Variants in FRY observed in about 807,000 individuals in gnomAD.
FRY encodes the protein protein furry homolog.
In FRY, 128 loss-of-function variants were observed where a neutral mutation model predicts 348.4. The ratio of observed to expected loss-of-function variants is 0.37; its 90% confidence interval spans 0.32 to 0.43. FRY has a LOEUF of 0.43. FRY is among the 20% of genes least tolerant of loss of function. The pLI, the probability that FRY is intolerant of heterozygous loss-of-function variation, is 1.00. For missense variants in FRY, 2,736 were observed against 3,695.2 expected (o/e 0.74, Z 6.73); for synonymous variants, 1,370 against 1,374.7 (o/e 1.00, Z 0.08).
chr13:32,255,380 C>T (rs753666316), intron 51 of FRY, among the ~76,000 whole-genome samples: 9 of 152,188 alleles, frequency 5.9e-5, no homozygotes, highest in Non-Finnish European at 1.3e-4. Flanking sequence ...CTTCAAGTAG[C>T]TGCTTACCTT....
rs746789964 is a variant in FRY, at chr13:32,184,638, A to G, written c.3093A>G (p.Leu1031=). ...GAGAACGGCGAGACTTGTTAAGGCT[A>G]CAACTACTTCGAATTTTTGAACTTT... ...KRRERRDLLR[L]QLLRIFELLA... is the part of the protein sequence containing the mutation. The change falls in exon 25 of 61, where the codon CTA becomes CTG. Residue 1031 remains leucine, a synonymous_variant. Coordinates refer to ENST00000542859, the MANE Select transcript of FRY (RefSeq NM_023037.3). The G allele has an allele frequency of 1.2e-6, 2 of 1,613,654 alleles. No homozygotes were observed. Among genetic ancestry groups the G allele is most frequent in the East Asian group, 2.2e-5 (1 of 44,890 alleles).
intron 1 of FRY, among the ~76,000 whole-genome samples, chr13:32,053,394 C>A (rs879921577): frequency 2.6e-5 from 4 of 152,160 alleles, no homozygotes; most frequent in Non-Finnish European, 5.9e-5. Context: ...TATGACATAT[C>A]CTTTGAATGA....
intron 55 of FRY, among the ~76,000 whole-genome samples, 160 bp from the exon 56 acceptor site, chr13:32,274,682 C>A (rs1265331028): frequency 2.6e-4 from 28 of 107,848 alleles, no homozygotes; most frequent in East Asian, 6.2e-4. Flanking sequence ...CCAGCCTGGG[C>A]GACAGAGCGA....
intron 35 of FRY, among the ~76,000 whole-genome samples, chr13:32,217,578 G>T (rs1167472287): frequency 6.6e-6 from 1 of 152,176 alleles, no homozygotes; most frequent in African/African-American, 2.4e-5. Context: ...GTTCCCCAGG[G>T]AGGTAGAGGC....
chr13:32,229,045 T>C (rs1885769197), intron 40 of FRY, among the ~76,000 whole-genome samples: 3 of 152,184 alleles, frequency 2.0e-5, no homozygotes, highest in African/African-American at 7.2e-5. Context: ...ATCAAGGATA[T>C]TAGCCATGAT....
intron 11 of FRY, among the ~76,000 whole-genome samples, chr13:32,144,592 C>G (rs574703394): frequency 6.6e-6 from 1 of 151,788 alleles, no homozygotes; most frequent in Non-Finnish European, 1.5e-5. Flanking sequence ...TAAACAATTA[C>G]GAATTCTATA....
In FRY at chr13:32,151,765, A is replaced by G. The variant is rs576988383; in HGVS notation, c.1479+1931A>G. On this transcript the variant is annotated intron_variant, in intron 14 of 60. Transcript: ENST00000542859. The stretch of plus-strand genomic sequence containing the variant: ...TCATCAATTTCTCTGTTTTTCCTTG[A>G]CCTAAAATAACCTGAAGTCGGAGGT... 5.1e-4 allele frequency among the ~76,000 whole-genome samples: 78 copies of G among 152,278 alleles called. No homozygotes were observed. The South Asian group carries it at 0.012, about 23-fold the overall frequency.
intron 47 of FRY, among the ~76,000 whole-genome samples, chr13:32,245,701 A>G (rs1461288403): frequency 7.8e-6 from 1 of 127,714 alleles, no homozygotes; most frequent in East Asian, 1.9e-4. Context: ...ATGACCACAG[A>G]CTAAAGCAGG....
chr13:32,252,039 G>A (rs1887110720), intron 50 of FRY, 87 bp downstream of exon 50: 1 of 901,350 alleles, frequency 1.1e-6, no homozygotes, highest in Non-Finnish European at 1.9e-6. Context: ...ATAATTTAGA[G>A]GATTCAACTG....
chr13:32,117,559 G>T (rs923892593), intron 4 of FRY, 86 bp downstream of exon 4: 6 of 1,375,450 alleles, frequency 4.4e-6, no homozygotes, highest in Non-Finnish European at 5.1e-6. Flanking sequence ...CAAGGCAATT[G>T]GGTCTTCCTG....
chr13:32,131,068 G>A (rs1230918031), intron 7 of FRY, among the ~76,000 whole-genome samples: 8 of 152,168 alleles, frequency 5.3e-5, no homozygotes, highest in Admixed American at 2.0e-4. Context: ...TGCCCGCATC[G>A]GCCTCCCAAA....
At chr13:32,230,901 A>C (rs1053872373) in intron 40 of FRY, among the ~76,000 whole-genome samples, 1 of 152,118 alleles carries the variant, frequency 6.6e-6, no homozygotes, top group Non-Finnish European at 1.5e-5. Context: ...GCATTTCTCT[A>C]ATAGTCAGTG....
chr13:32,212,092 A>G (rs531773535), intron 34 of FRY, among the ~76,000 whole-genome samples, 200 bp from the exon 35 acceptor site: 2 of 152,334 alleles, frequency 1.3e-5, no homozygotes, highest in South Asian at 2.1e-4. Context: ...TTTGACCATA[A>G]CAGATGTCTA....
chr13:32,089,334 G>T (rs1041598761), intron 2 of FRY, among the ~76,000 whole-genome samples: 3 of 152,074 alleles, frequency 2.0e-5, no homozygotes, highest in African/African-American at 7.3e-5. Flanking sequence ...ATGCTTTTGG[G>T]AATTTCTACT....
chr13:32,216,391 A>G (rs1453897984), intron 35 of FRY, among the ~76,000 whole-genome samples: 1 of 152,148 alleles, frequency 6.6e-6, no homozygotes, highest in Admixed American at 6.5e-5. Context: ...TCTGGAAGGG[A>G]CTTGCTCCTC....
At chr13:32,213,856 ATC>A (rs985938708) in intron 35 of FRY, among the ~76,000 whole-genome samples, 1 of 152,164 alleles carries the variant, frequency 6.6e-6, no homozygotes, top group Non-Finnish European at 1.5e-5. Context: ...GAAGCCAGTA[ATC>A]TCTCTAATAT....
rs768656832 is a variant in FRY at position 32,228,624 on chromosome 13, C to A, written c.5375C>A (p.Ala1792Glu). Residue 1792 changes from alanine to glutamate, a missense_variant, in exon 40 of 61, where the codon GCA becomes GAA. Transcript: ENST00000542859. The stretch of plus-strand genomic sequence containing the variant: ...ACAGCTGCTGAAACAGATGAGAAGG[C>A]AAACAAGCTCATTGAGTTTCTCACG... Reference protein sequence around the residue: ...VDTAAETDEKANKLIEFLTTR... With the variant: ...VDTAAETDEKENKLIEFLTTR... 1.9e-6 allele frequency: 3 copies of A among 1,614,096 alleles called. No homozygotes were observed. The highest frequency in any genetic ancestry group is 2.5e-6 in the Non-Finnish European group (3 of 1,179,964).
intron 47 of FRY, among the ~76,000 whole-genome samples, chr13:32,244,524 A>G (rs369914730): frequency 4.6e-5 from 7 of 152,282 alleles, no homozygotes; most frequent in African/African-American, 1.7e-4. Flanking sequence ...GGGACAAGGA[A>G]CTGTAGGAAC....
At chr13:32,046,275 C>T (rs1873012080) in intron 1 of FRY, among the ~76,000 whole-genome samples, 4 of 152,224 alleles carry the variant, frequency 2.6e-5, no homozygotes, top group Non-Finnish European at 5.9e-5. Context: ...TGCAAGATGA[C>T]AACTCAGCTG....
Sources: allele counts gnomAD v4.1 joint callset (sites outside exome capture counted in the v4.1 genomes callset), GRCh38; gene constraint gnomAD v4.1.1; transcripts MANE v1.5; gene names NCBI Gene and HGNC (gene_info 2026-07-23, HGNC 2026-07-21).